The following NRXN3 variants were observed in gnomAD, a reference collection of about 807,000 sequenced individuals.
NRXN3 encodes neurexin III.
Under a neutral mutation model 137.6 loss-of-function variants are expected in NRXN3, and 32 were observed. The observed-to-expected ratio is 0.23, with a 90% CI of 0.18 to 0.31. NRXN3 has a LOEUF of 0.31. NRXN3 is among the 10% of genes least tolerant of loss of function. The pLI is 1.00. For synonymous variants in NRXN3, 798 were observed against 784.5 expected (o/e 1.02, Z -0.29); for missense variants, 1,574 against 2,062.5 (o/e 0.76, Z 4.59).
intron 16 of NRXN3, among the ~76,000 whole-genome samples, chr14:79,601,760 T>A (rs1032654427): frequency 6.6e-6 from 1 of 152,162 alleles, no homozygotes; most frequent in Non-Finnish European, 1.5e-5. Context: ...TATGACTACA[T>A]GGGCCATATA....
chr14:78,943,051 T>G (rs1393584532), intron 10 of NRXN3, among the ~76,000 whole-genome samples: 1 of 151,806 alleles, frequency 6.6e-6, no homozygotes, highest in Non-Finnish European at 1.5e-5. Flanking sequence ...AGGAAAGAAA[T>G]AAAGATGAAT....
At chr14:78,785,595 A>G (rs1204188062) in intron 8 of NRXN3, among the ~76,000 whole-genome samples, 2 of 152,190 alleles carry the variant, frequency 1.3e-5, no homozygotes, top group Non-Finnish European at 1.5e-5. Flanking sequence ...TTTCTTGCAG[A>G]GAAATGGAGC....
chr14:79,358,607 G>GAAAGAGAGAGAAAGAAAGAAAGAAAGAA (rs10667477), intron 15 of NRXN3, among the ~76,000 whole-genome samples: 1 of 79,944 alleles, frequency 1.3e-5, no homozygotes, highest in Admixed American at 1.6e-4. Flanking sequence ...AAGAAAGAAA[G>GAAAGAGAGAGAAAGAAAGAAAGAAAGAA]AGAAAGAAAG....
chr14:78,450,323 G>A (rs2094521782), intron 4 of NRXN3, among the ~76,000 whole-genome samples: 1 of 152,164 alleles, frequency 6.6e-6, no homozygotes, highest in Admixed American at 6.5e-5. Flanking sequence ...ATTACAAAGT[G>A]GAAAAAAATG....
intron 2 of NRXN3, among the ~76,000 whole-genome samples, chr14:78,267,986 CA>C (rs530439976): frequency 1.3e-5 from 2 of 151,876 alleles, no homozygotes; most frequent in African/African-American, 4.8e-5. Flanking sequence ...ATGATGAGAA[CA>C]AAAAAAGGGT....
intron 4 of NRXN3, among the ~76,000 whole-genome samples, chr14:78,375,211 A>AAAG (rs1452126014): frequency 2.6e-5 from 4 of 152,194 alleles, no homozygotes; most frequent in African/African-American, 9.7e-5. Context: ...TTTCGCTGTT[A>AAAG]AAGTGTTTCT....
chr14:78,809,394 C>T (rs747341857), intron 9 of NRXN3, among the ~76,000 whole-genome samples: 6 of 152,210 alleles, frequency 3.9e-5, no homozygotes, highest in Non-Finnish European at 2.9e-5. Context: ...CTTGCCTTCT[C>T]CCTGAATGCT....
chr14:78,966,542 T>A, intron 12 of NRXN3, 136 bp downstream of exon 12: 1 of 921,272 alleles, frequency 1.1e-6, no homozygotes, highest in Non-Finnish European at 1.6e-6. Context: ...TCTTCCTTGA[T>A]TAAATGGATC....
chr14:78,890,537 T>A (rs2099156051), intron 10 of NRXN3, among the ~76,000 whole-genome samples: 1 of 151,840 alleles, frequency 6.6e-6, no homozygotes, highest in Non-Finnish European at 1.5e-5. Flanking sequence ...TATATCTTCC[T>A]GCCCACACTG....
At chr14:79,107,091 G>C (rs531021161) in intron 15 of NRXN3, among the ~76,000 whole-genome samples, 1 of 152,140 alleles carries the variant, frequency 6.6e-6, no homozygotes, top group Admixed American at 6.6e-5. Flanking sequence ...TAAATGACAA[G>C]CTCTATGTAT....
At chr14:78,585,506 T>G (rs1301056752) in intron 4 of NRXN3, among the ~76,000 whole-genome samples, 2 of 152,042 alleles carry the variant, frequency 1.3e-5, no homozygotes, top group Non-Finnish European at 2.9e-5. Flanking sequence ...GATAGAAATT[T>G]AGGGACAAGG....
At chr14:78,391,967 C>T (rs955943195) in intron 4 of NRXN3, among the ~76,000 whole-genome samples, 1 of 151,446 alleles carries the variant, frequency 6.6e-6, no homozygotes, top group African/African-American at 2.4e-5. Flanking sequence ...AAGATTGATT[C>T]AATAAGGTTG....
At chr14:78,572,865 C>A (rs1392566180) in intron 4 of NRXN3, among the ~76,000 whole-genome samples, 1 of 152,114 alleles carries the variant, frequency 6.6e-6, no homozygotes, top group Admixed American at 6.5e-5. Flanking sequence ...GTGAAAATTT[C>A]CACGGAACAT....
intron 15 of NRXN3, among the ~76,000 whole-genome samples, chr14:79,068,131 G>C (rs1022641919): frequency 3.3e-5 from 5 of 151,998 alleles, no homozygotes; most frequent in Non-Finnish European, 5.9e-5. Context: ...CACTGTACTA[G>C]AGGTTATCTT....
chr14:79,354,943 G>A (rs555021928), intron 15 of NRXN3, among the ~76,000 whole-genome samples: 2 of 152,276 alleles, frequency 1.3e-5, no homozygotes, highest in South Asian at 2.1e-4. Flanking sequence ...AGTATAGGTC[G>A]TGTCCGAGGT....
intron 16 of NRXN3, among the ~76,000 whole-genome samples, chr14:79,561,807 A>T (rs577759584): frequency 2.0e-5 from 3 of 152,166 alleles, no homozygotes; most frequent in Admixed American, 6.5e-5. Context: ...TTAAGAAAAG[A>T]AAAGAAAAAA....
At chr14:79,395,991 A>C (rs539849662) in intron 15 of NRXN3, among the ~76,000 whole-genome samples, 2 of 152,206 alleles carry the variant, frequency 1.3e-5, no homozygotes, top group South Asian at 4.1e-4. Flanking sequence ...TATATGTACA[A>C]ATAAATTTGC....
intron 4 of NRXN3, among the ~76,000 whole-genome samples, chr14:78,357,947 A>G (rs567336284): frequency 3.9e-5 from 6 of 152,294 alleles, no homozygotes; most frequent in African/African-American, 1.2e-4. Context: ...TCTTAGAGCA[A>G]GGTATGGTTG....
chr14:78,322,176 T>C (rs1364263006), intron 4 of NRXN3, among the ~76,000 whole-genome samples: 1 of 151,952 alleles, frequency 6.6e-6, no homozygotes, highest in Non-Finnish European at 1.5e-5. Context: ...GGGGATTGCA[T>C]AAATGAAATA....
Sources: gnomAD v4.1 joint callset for allele counts (sites outside exome capture counted in the v4.1 genomes callset) on GRCh38, gnomAD v4.1.1 for gene constraint, MANE v1.5 for transcripts, NCBI Gene and HGNC (gene_info 2026-07-23, HGNC 2026-07-21) for gene names.